CLPX: variants seen among roughly 807,000 people sequenced by gnomAD.
The protein encoded by CLPX is caseinolytic mitochondrial matrix peptidase chaperone subunit X.
Under a neutral mutation model 76.4 loss-of-function variants are expected in CLPX, and 34 were observed. That is an observed-to-expected ratio of 0.45 (90% CI 0.34 to 0.59). CLPX has a LOEUF of 0.59. Among genes scored for constraint, CLPX ranks in the 20% least tolerant of loss-of-function variants. CLPX has a pLI of 0.01. For synonymous variants in CLPX, 248 were observed against 270.9 expected (o/e 0.92, Z 0.83); for missense variants, 613 against 757.0 (o/e 0.81, Z 2.23).
At chr15:65,160,001 C>T (rs2087833434) in intron 6 of CLPX, among the ~76,000 whole-genome samples, 3 of 151,810 alleles carry the variant, frequency 2.0e-5, no homozygotes, top group Admixed American at 6.6e-5. Context: ...TTAGTAGAGA[C>T]GGGGTTTTGC....
At chr15:65,176,949 A>AT (rs138994516) in intron 3 of CLPX, among the ~76,000 whole-genome samples, 2,151 of 152,082 alleles carry the variant, frequency 0.014, 38 homozygotes, top group African/African-American at 0.05. Flanking sequence ...AGAAAAAAAA[A>AT]GGAGGAAAAT....
chr15:65,169,385 A>T (rs1188513934), intron 3 of CLPX, among the ~76,000 whole-genome samples: 6 of 152,048 alleles, frequency 3.9e-5, no homozygotes, highest in Non-Finnish European at 7.4e-5. Context: ...TACAGGCGTG[A>T]CCCACTGAGG....
intron 3 of CLPX, among the ~76,000 whole-genome samples, chr15:65,172,231 G>A (rs1455167894): frequency 1.3e-5 from 2 of 152,108 alleles, no homozygotes; most frequent in Non-Finnish European, 2.9e-5. Flanking sequence ...CCAAACGGCT[G>A]GCATTACAGG....
chr15:65,166,294 T>C (rs2087911644), intron 4 of CLPX, among the ~76,000 whole-genome samples: 1 of 152,208 alleles, frequency 6.6e-6, no homozygotes, highest in African/African-American at 2.4e-5. Context: ...AGGCTGGTGT[T>C]ATTTAAGGGT....
chr15:65,158,038 T>C, intron 7 of CLPX, 128 bp from the exon 8 acceptor site: 1 of 738,964 alleles, frequency 1.4e-6, no homozygotes, highest in Non-Finnish European at 2.1e-6. Context: ...CTTCCTCTGC[T>C]ATTATTTTTT....
At chr15:65,152,374 C>T in intron 13 of CLPX, 56 bp downstream of exon 13, 1 of 677,286 alleles carries the variant, frequency 1.5e-6, no homozygotes, top group Non-Finnish European at 2.4e-6. Context: ...ATAAACATAG[C>T]AATGAGGAGC....
At chr15:65,154,633 G>T in intron 11 of CLPX, 149 bp downstream of exon 11, 1 of 616,220 alleles carries the variant, frequency 1.6e-6, no homozygotes, top group Non-Finnish European at 2.8e-6. Context: ...AATACAATAT[G>T]CCTTCCTTGA....
Position 65,169,149 on chromosome 15 carries a change from G to A in CLPX, c.359-2364C>T, listed in dbSNP as rs191218531. Among the ~76,000 whole-genome samples, 403 of 151,330 alleles carry A rather than the reference G, an allele frequency of 2.7e-3. 1 individual carries two copies. The highest frequency in any genetic ancestry group is 3.7e-3 in the Non-Finnish European group (252 of 67,896). The stretch of plus-strand genomic sequence containing the variant: ...CGCCATTCTCCTGCCTTAGCCTCCC[G>A]AGTAGCTGGGACTACAGGCGCCTCT... On this transcript the variant is annotated intron_variant, in intron 3 of 13. Coordinates refer to ENST00000300107, the MANE Select transcript of CLPX (RefSeq NM_006660.5).
At chr15:65,163,900 G>T in intron 5 of CLPX, 129 bp downstream of exon 5, 1 of 842,186 alleles carries the variant, frequency 1.2e-6, no homozygotes, top group Non-Finnish European at 1.9e-6. Flanking sequence ...ACACTAATGG[G>T]GAATAACCTG....
chr15:65,169,889 T>A (rs1450364187), intron 3 of CLPX, among the ~76,000 whole-genome samples: 1 of 151,848 alleles, frequency 6.6e-6, no homozygotes, highest in Non-Finnish European at 1.5e-5. Context: ...GCCTCCGAAG[T>A]AGCTGGGATT....
At position 65,166,628 on chromosome 15, in the gene CLPX, T is replaced by C. The variant is rs2087917191; in HGVS notation, c.513+3A>G. On this transcript the variant is annotated splice_donor_region_variant and intron_variant, in intron 4 of 13. Transcript: ENST00000300107. ...CTTGTAAGACTGAGCTTAAGACTTA[T>C]ACCTTCTTAGGGGGAGGTGGTGGTT... is the stretch of plus-strand genomic sequence containing the variant. 2 of 1,613,686 alleles carry C rather than the reference T, an allele frequency of 1.2e-6. No individual in the cohort carries two copies. Among genetic ancestry groups the C allele is most frequent in the Non-Finnish European group, 1.7e-6 (2 of 1,179,854 alleles).
At chr15:65,151,803 T>G (rs1049336024) in intron 13 of CLPX, among the ~76,000 whole-genome samples, 1 of 152,192 alleles carries the variant, frequency 6.6e-6, no homozygotes, top group African/African-American at 2.4e-5. Flanking sequence ...ACCTTATGAT[T>G]TGAGTTAAAC....
intron 4 of CLPX, among the ~76,000 whole-genome samples, chr15:65,165,093 T>C (rs1751483187): frequency 6.6e-6 from 1 of 152,008 alleles, no homozygotes. Context: ...TCCCTGCACT[T>C]TGGGAGGCTG....
chr15:65,153,653 A>G lies in CLPX; in HGVS notation c.1612-14T>C. 1 of 1,398,670 alleles carries G rather than the reference A, an allele frequency of 7.1e-7. No individual in the cohort carries two copies. The highest frequency in any genetic ancestry group is 9.8e-7 in the Non-Finnish European group (1 of 1,024,388). 86.6% of individuals were successfully genotyped at this position (1,398,670 alleles called of 1,614,324 possible). On this transcript the variant is annotated splice_polypyrimidine_tract_variant and intron_variant, in intron 11 of 13. Transcript: ENST00000300107. ...ATTCAGTTCACACTACAAATACATT[A>G]AAAATAAATTATAACTTTTATTGTT...
chr15:65,176,832 T>A (rs572401791), intron 3 of CLPX, among the ~76,000 whole-genome samples: 1 of 152,132 alleles, frequency 6.6e-6, no homozygotes, highest in East Asian at 1.9e-4. Flanking sequence ...TCACCTCTGG[T>A]GATCTGCCTA....
At chr15:65,153,798 T>C (rs2087754189) in intron 11 of CLPX, among the ~76,000 whole-genome samples, 159 bp from the exon 12 acceptor site, 1 of 152,220 alleles carries the variant, frequency 6.6e-6, no homozygotes, top group Non-Finnish European at 1.5e-5. Flanking sequence ...GTATTATGAA[T>C]TCCAAGTTTG....
intron 3 of CLPX, among the ~76,000 whole-genome samples, chr15:65,168,755 A>G (rs2087955416): frequency 6.6e-6 from 1 of 152,178 alleles, no homozygotes; most frequent in Non-Finnish European, 1.5e-5. Flanking sequence ...AATTAAAAAA[A>G]AAACTTTGCG....
intron 6 of CLPX, among the ~76,000 whole-genome samples, chr15:65,159,108 G>A (rs1194733260): frequency 6.6e-6 from 1 of 152,160 alleles, no homozygotes; most frequent in African/African-American, 2.4e-5. Flanking sequence ...GAAGCTACAT[G>A]ATCTAGGGCA....
rs566739252 is a variant in CLPX, at chr15:65,150,079, A to C, written c.*744T>G. 1 of 152,194 alleles carries C rather than the reference A, an allele frequency of 6.6e-6. No individual in the cohort carries two copies. Among genetic ancestry groups the C allele is most frequent in the South Asian group, 2.1e-4 (1 of 4,822 alleles). The allele number at this position is 152,194 out of a possible 1,614,324, so 9.4% of individuals were successfully genotyped here. The stretch of plus-strand genomic sequence containing the variant: ...GGTCCAATTTTTTGTTTTCGCCCTG[A>C]GACGGAGTCTCACTTTGTCGCCCAG... On this transcript the variant is annotated 3_prime_UTR_variant, in exon 14 of 14. Transcript: ENST00000300107.
Sources: gnomAD v4.1 joint callset for allele counts (sites outside exome capture counted in the v4.1 genomes callset) on GRCh38, gnomAD v4.1.1 for gene constraint, MANE v1.5 for transcripts, NCBI Gene and HGNC (gene_info 2026-07-23, HGNC 2026-07-21) for gene names.